Variants in TTC28 observed in about 807,000 individuals in gnomAD.
The protein encoded by TTC28 is tetratricopeptide repeat protein 28.
TTC28 carries 61 observed loss-of-function variants against 198.0 expected under a neutral mutation model. The observed-to-expected ratio is 0.31, with a 90% CI of 0.25 to 0.38. The LOEUF (loss-of-function observed/expected upper bound fraction) is 0.38. TTC28 is among the 10% of genes least tolerant of loss of function. TTC28 has a pLI of 1.00. For missense variants in TTC28, 2,678 were observed against 3,164.0 expected (o/e 0.85, Z 3.69); for synonymous variants, 1,171 against 1,297.8 (o/e 0.90, Z 2.10).
intron 2 of TTC28, among the ~76,000 whole-genome samples, chr22:28,341,622 T>C (rs1463981387): frequency 6.6e-6 from 1 of 151,994 alleles, no homozygotes; most frequent in Non-Finnish European, 1.5e-5. Flanking sequence ...TGAAACCCTG[T>C]CTCTACTAAA....
At chr22:28,406,113 T>C (rs1331437300) in intron 2 of TTC28, among the ~76,000 whole-genome samples, 2 of 152,254 alleles carry the variant, frequency 1.3e-5, no homozygotes, top group Non-Finnish European at 2.9e-5. Flanking sequence ...ATCTTGTTCT[T>C]AGTATTCCTG....
At chr22:28,040,741 T>A (rs1215964715) in intron 12 of TTC28, among the ~76,000 whole-genome samples, 2 of 152,124 alleles carry the variant, frequency 1.3e-5, no homozygotes, top group Non-Finnish European at 2.9e-5. Flanking sequence ...GCTGGGGCAA[T>A]CAGGGAAGAG....
intron 19 of TTC28, among the ~76,000 whole-genome samples, 160 bp from the exon 20 acceptor site, chr22:27,990,972 G>A (rs1259401089): frequency 6.6e-6 from 1 of 152,170 alleles, no homozygotes; most frequent in Non-Finnish European, 1.5e-5. Flanking sequence ...GAGTCAGCAG[G>A]GGACACACAG....
chr22:28,032,266 T>G lies in TTC28; in HGVS notation c.3933-1900A>C, dbSNP rs865780065. 1.2e-4 allele frequency among the ~76,000 whole-genome samples: 8 copies of G among 69,022 alleles called. 1 individual carries two copies. The highest frequency in any genetic ancestry group is 2.9e-4 in the African/African-American group (4 of 13,674). The allele number at this position is 69,022 out of a possible 152,430, so 45.3% of individuals were successfully genotyped here. The stretch of plus-strand genomic sequence containing the variant: ...TATATATAAAATATATATATATATA[T>G]AGTGTGTGTGTGTGTGTGTGTGTGT... On this transcript the variant is annotated intron_variant, in intron 12 of 22. Coordinates refer to ENST00000397906, the MANE Select transcript of TTC28 (RefSeq NM_001145418.2).
At chr22:28,307,963 G>C (rs1248804376) in intron 2 of TTC28, among the ~76,000 whole-genome samples, 5 of 152,068 alleles carry the variant, frequency 3.3e-5, no homozygotes, top group Non-Finnish European at 7.4e-5. Flanking sequence ...GTGTTTACAA[G>C]ATATATTTAC....
intron 2 of TTC28, among the ~76,000 whole-genome samples, chr22:28,459,424 C>T (rs139017577): frequency 6.6e-6 from 1 of 151,662 alleles, no homozygotes; most frequent in Non-Finnish European, 1.5e-5. Flanking sequence ...GAGTGAGACC[C>T]GGTTTCAAAG....
In TTC28 at chr22:27,983,900, T is replaced by C. The variant is rs1937112699; in HGVS notation, c.5816-49A>G. 4 of 1,495,512 alleles carry C rather than the reference T, an allele frequency of 2.7e-6. No individual in the cohort carries two copies. The South Asian group carries it at 5.4e-5, about 20-fold the overall frequency. The allele number at this position is 1,495,512 out of a possible 1,614,324, so 92.6% of individuals were successfully genotyped here. The stretch of plus-strand genomic sequence containing the variant: ...CAAGGACAGTTAGAATTCTATATGG[T>C]TTTGATTTTTCTTTCAAAATTTACG... On this transcript the variant is annotated intron_variant, in intron 22 of 22. Coordinates refer to ENST00000397906, the MANE Select transcript of TTC28 (RefSeq NM_001145418.2).
intron 2 of TTC28, among the ~76,000 whole-genome samples, chr22:28,532,585 C>T (rs959995177): frequency 6.6e-6 from 1 of 152,174 alleles, no homozygotes; most frequent in Non-Finnish European, 1.5e-5. Context: ...GATACCAAAG[C>T]CTGGCAGAGA....
At chr22:28,202,387 A>C (rs1206615382) in intron 5 of TTC28, among the ~76,000 whole-genome samples, 1 of 152,022 alleles carries the variant, frequency 6.6e-6, no homozygotes, top group Non-Finnish European at 1.5e-5. Flanking sequence ...AAATACAAAA[A>C]TTAGCAGGGC....
In TTC28 at chr22:28,395,746, T is replaced by C. The variant is rs183565218; in HGVS notation, c.382-89103A>G. On this transcript the variant is annotated intron_variant, in intron 2 of 22. Transcript: ENST00000397906. The stretch of plus-strand genomic sequence containing the variant: ...GTAGGACTGTTTTACCCCTGACATA[T>C]GCTGCTCAACCTAATTATTTACATT... Among the ~76,000 whole-genome samples the C allele has an allele frequency of 4.3e-4, 66 of 152,048 alleles. No individual in the cohort carries two copies. In the East Asian group the frequency reaches 0.011, roughly 24 times the overall value.
In TTC28 at chr22:28,281,451, T is replaced by C. The variant is rs367929386; in HGVS notation, c.933+14747A>G. The stretch of plus-strand genomic sequence containing the variant: ...CATTTTATTTTCTTATAGTTTCTAT[T>C]TCTCTGTTGAGATTTCCTATCCACT... On this transcript the variant is annotated intron_variant, in intron 5 of 22. Transcript: ENST00000397906. Among the ~76,000 whole-genome samples the C allele has an allele frequency of 1.6e-4, 25 of 152,306 alleles. No individual in the cohort carries two copies. The East Asian group carries it at 1.7e-3, about 11-fold the overall frequency.
intron 12 of TTC28, among the ~76,000 whole-genome samples, chr22:28,083,648 G>A (rs1941446473): frequency 6.6e-6 from 1 of 152,236 alleles, no homozygotes; most frequent in Admixed American, 6.5e-5. Context: ...TCACTGGGGA[G>A]TGCCAGACAG....
intron 2 of TTC28, 73 bp from the exon 3 acceptor site, chr22:28,306,716 C>A (rs1216384878): frequency 6.8e-7 from 1 of 1,480,936 alleles, no homozygotes; most frequent in Non-Finnish European, 9.2e-7. Context: ...TTTACTAGAA[C>A]AACAGGTCAG....
At chr22:28,252,583 T>C (rs1930594887) in intron 5 of TTC28, among the ~76,000 whole-genome samples, 1 of 152,210 alleles carries the variant, frequency 6.6e-6, no homozygotes. Flanking sequence ...TTTCTTCTCA[T>C]TTCAGACTGC....
Position 28,466,816 on chromosome 22 carries a change from T to TACAC in TTC28, c.382-160174_382-160173insGTGT, listed in dbSNP as rs1250614587. 1.9e-3 allele frequency among the ~76,000 whole-genome samples: 135 copies of TACAC among 70,580 alleles called. 1 individual carries two copies. Among genetic ancestry groups the TACAC allele is most frequent in the African/African-American group, 4.8e-3 (83 of 17,188 alleles). The allele number at this position is 70,580 out of a possible 152,430, so 46.3% of individuals were successfully genotyped here. A position where few individuals can be genotyped will look rare whatever the true frequency, so the allele number is the denominator to read the frequency against. On this transcript the variant is annotated intron_variant, in intron 2 of 22. Coordinates refer to ENST00000397906, the MANE Select transcript of TTC28 (RefSeq NM_001145418.2). Reference sequence around the variant, plus strand: ...AATCAGTATTCTCACATTATATACATACATACACACACACACACACACACA... The same window carrying TACAC: ...AATCAGTATTCTCACATTATATACATACACACATACACACACACACACACACACA...
intron 2 of TTC28, among the ~76,000 whole-genome samples, chr22:28,491,031 G>A (rs2048369527): frequency 6.6e-6 from 1 of 152,072 alleles, no homozygotes; most frequent in Admixed American, 6.5e-5. Context: ...GTTTTTTGGG[G>A]GGAAATAAAA....
chr22:28,266,785 C>T (rs1177190730), intron 5 of TTC28, among the ~76,000 whole-genome samples: 1 of 152,048 alleles, frequency 6.6e-6, no homozygotes, highest in African/African-American at 2.4e-5. Flanking sequence ...TTTATGCTAC[C>T]CATATTTTGT....
chr22:28,201,269 G>A (rs1925915221), intron 5 of TTC28, among the ~76,000 whole-genome samples: 2 of 152,158 alleles, frequency 1.3e-5, no homozygotes, highest in South Asian at 4.1e-4. Context: ...GCAGATATAA[G>A]TGACCATGAT....
chr22:28,678,071 A>G (rs551296509), intron 1 of TTC28, among the ~76,000 whole-genome samples: 3 of 152,340 alleles, frequency 2.0e-5, no homozygotes, highest in Non-Finnish European at 4.4e-5. Flanking sequence ...TCATAAATGT[A>G]GATATTTACC....
Sources: allele counts gnomAD v4.1 joint callset (sites outside exome capture counted in the v4.1 genomes callset), GRCh38; gene constraint gnomAD v4.1.1; transcripts MANE v1.5; gene names NCBI Gene and HGNC (gene_info 2026-07-23, HGNC 2026-07-21).